PGM2: variants seen among roughly 807,000 people sequenced by gnomAD.
PGM2 encodes phosphopentomutase.
Under a neutral mutation model 74.6 loss-of-function variants are expected in PGM2, and 57 were observed. The ratio of observed to expected loss-of-function variants is 0.76; its 90% CI spans 0.62 to 0.95. The LOEUF is 0.95. PGM2 is among the 40% of genes least tolerant of loss of function. The pLI, the probability that PGM2 is intolerant of heterozygous loss-of-function variation, is 0.00. For synonymous variants in PGM2, 273 were observed against 260.7 expected, an observed-to-expected ratio of 1.05 and a Z score of -0.46; for missense variants, 706 against 741.9, an observed-to-expected ratio of 0.95 and a Z score of 0.56.
chr4:37,861,387 T>C (rs1711766102), intron 13 of PGM2, 123 bp from the exon 14 acceptor site: 1 of 633,144 alleles, frequency 1.6e-6, no homozygotes, highest in Non-Finnish European at 2.8e-6. Context: ...GTTCTCTTTT[T>C]TTTCCTATTT....
rs145973385 is a variant in PGM2, at chr4:37,836,296, C to CT, written c.357-1232dup. Among the ~76,000 whole-genome samples the CT allele has an allele frequency of 2.8e-3, 428 of 152,306 alleles. 5 individuals carry two copies. The highest frequency in any genetic ancestry group is 9.9e-3 in the African/African-American group (410 of 41,558). ...ATGGAGTGGAACTCAAGGCTACTCT[C>CT]TATCACCTGTAACGCGTGAGACATT... is the stretch of plus-strand genomic sequence containing the variant. On this transcript the variant is annotated intron_variant, in intron 3 of 13. Transcript: ENST00000381967.
chr4:37,835,020 A>C (rs1002568587), intron 3 of PGM2, among the ~76,000 whole-genome samples: 1 of 152,128 alleles, frequency 6.6e-6, no homozygotes, highest in African/African-American at 2.4e-5. Flanking sequence ...TTACCCTGCT[A>C]TTCATAAACC....
Position 37,854,671 on chromosome 4 carries a change from T to TAA in PGM2, c.1603-926_1603-925dup, listed in dbSNP as rs35502897. Among the ~76,000 whole-genome samples, 791 of 142,336 alleles carry TAA rather than the reference T, an allele frequency of 5.6e-3. 10 individuals carry two copies. The highest frequency in any genetic ancestry group is 0.019 in the African/African-American group (734 of 39,142). 93.4% of individuals were successfully genotyped at this position (142,336 alleles called of 152,430 possible). ...CCGCGCCCAGCCTGGAAGCTTTATT[T>TAA]AAAAAAAAAAAACAAAAAAAACTCC... On this transcript the variant is annotated intron_variant, in intron 12 of 13. Coordinates refer to ENST00000381967, the MANE Select transcript of PGM2 (RefSeq NM_018290.4).
chr4:37,831,634 A>G lies in PGM2; in HGVS notation c.249+1503A>G, dbSNP rs572763685. Among the ~76,000 whole-genome samples the G allele has an allele frequency of 1.1e-4, 17 of 152,270 alleles. No individual in the cohort carries two copies. The South Asian group carries it at 2.9e-3, about 26-fold the overall frequency. On this transcript the variant is annotated intron_variant, in intron 2 of 13. Coordinates refer to ENST00000381967, the MANE Select transcript of PGM2 (RefSeq NM_018290.4). ...CATGTGGCCTGGACTTCCTTATAAC[A>G]TGGTGGTTGGCTTTCAGTGAAGTAT...
chr4:37,854,356 C>G (rs1443808337), intron 12 of PGM2, among the ~76,000 whole-genome samples: 1 of 148,886 alleles, frequency 6.7e-6, no homozygotes, highest in African/African-American at 2.5e-5. Flanking sequence ...TTCTCTTTTT[C>G]TTTTCTTTTT....
chr4:37,859,641 T>TAGGG (rs1376457973), intron 13 of PGM2, among the ~76,000 whole-genome samples: 1 of 152,154 alleles, frequency 6.6e-6, no homozygotes, highest in Non-Finnish European at 1.5e-5. Context: ...ATCACAACAT[T>TAGGG]AGTGTTTGAA....
chr4:37,853,312 T>C (rs1726103381), intron 12 of PGM2, among the ~76,000 whole-genome samples: 1 of 151,284 alleles, frequency 6.6e-6, no homozygotes, highest in African/African-American at 2.4e-5. Flanking sequence ...TAAGGTTTTT[T>C]AGTTTAGTAG....
rs576005627 is a variant in PGM2, at chr4:37,862,353, T to G, written c.*741T>G. On this transcript the variant is annotated 3_prime_UTR_variant, in exon 14 of 14. Coordinates refer to ENST00000381967, the MANE Select transcript of PGM2 (RefSeq NM_018290.4). ...AGCATATTTTTCTGTTTTTTGGTTGTTTGTTCATTTGTATTAGCACAATTT... is the reference window on the plus strand; with the variant it reads ...AGCATATTTTTCTGTTTTTTGGTTGGTTGTTCATTTGTATTAGCACAATTT... 8.5e-5 allele frequency: 13 copies of G among 152,272 alleles called. No homozygotes were observed. The highest frequency in any genetic ancestry group is 1.6e-4 in the Non-Finnish European group (11 of 68,002). 9.4% of individuals were successfully genotyped at this position (152,272 alleles called of 1,614,324 possible).
intron 9 of PGM2, 25 bp from the exon 10 acceptor site, chr4:37,847,177 T>C (rs1347128530): frequency 6.2e-7 from 1 of 1,605,596 alleles, no homozygotes; most frequent in Admixed American, 1.7e-5. Context: ...AAGGCATGTC[T>C]TTCTCTTTTG....
intron 12 of PGM2, among the ~76,000 whole-genome samples, chr4:37,853,848 C>A (rs1726115481): frequency 6.6e-6 from 1 of 152,164 alleles, no homozygotes; most frequent in Non-Finnish European, 1.5e-5. Flanking sequence ...GATTTAATCT[C>A]CAGAGAATTT....
intron 12 of PGM2, 28 bp downstream of exon 12, chr4:37,850,401 A>T: frequency 8.0e-7 from 1 of 1,246,490 alleles, no homozygotes; most frequent in Non-Finnish European, 1.1e-6. Context: ...TTTTCAACTA[A>T]CCTCTTTTCT....
chr4:37,856,372 G>A (rs916648279), intron 13 of PGM2, among the ~76,000 whole-genome samples: 8 of 152,210 alleles, frequency 5.3e-5, no homozygotes, highest in South Asian at 2.1e-4. Context: ...GCGACAGAGC[G>A]AGACTCCATC....
chr4:37,838,140 G>A (rs1188168191), intron 4 of PGM2, among the ~76,000 whole-genome samples: 2 of 152,110 alleles, frequency 1.3e-5, no homozygotes, highest in African/African-American at 4.8e-5. Flanking sequence ...CTTGGCCTCC[G>A]GAAGTGCTGG....
At position 37,831,976 on chromosome 4, in the gene PGM2, TC is replaced by T. The variant is rs1178822706; in HGVS notation, c.249+1849del. On this transcript the variant is annotated intron_variant, in intron 2 of 13. Transcript: ENST00000381967. ...GATTCTAGATTAACCTAGAGCTTTTTCCCCTGTATTTTTCTATATCTAGTTT... is the reference window on the plus strand; with the variant it reads ...GATTCTAGATTAACCTAGAGCTTTTTCCCTGTATTTTTCTATATCTAGTTT... Among the ~76,000 whole-genome samples, 5 of 152,352 alleles carry T rather than the reference TC, an allele frequency of 3.3e-5. No homozygotes were observed. The East Asian group carries it at 9.6e-4, about 29-fold the overall frequency.
rs1711815710 is a variant in PGM2 at position 37,862,627 on chromosome 4, ACTTT to A, written c.*1020_*1023del. The A allele has an allele frequency of 6.6e-6, 1 of 152,070 alleles. No individual in the cohort carries two copies. Among genetic ancestry groups the A allele is most frequent in the Non-Finnish European group, 1.5e-5 (1 of 68,014 alleles). 9.4% of individuals were successfully genotyped at this position (152,070 alleles called of 1,614,324 possible). A position where few individuals can be genotyped will look rare whatever the true frequency, so the allele number is the denominator to read the frequency against. ...TTGGGCACCCATGAGCTAGGATCAAACTTTCTTTATATACTTTATATATTTTACA... is the reference window on the plus strand; with the variant it reads ...TTGGGCACCCATGAGCTAGGATCAAACTTTATATACTTTATATATTTTACA... On this transcript the variant is annotated 3_prime_UTR_variant, in exon 14 of 14. Transcript: ENST00000381967.
intron 11 of PGM2, among the ~76,000 whole-genome samples, chr4:37,849,244 C>G (rs2152179623): frequency 6.6e-6 from 1 of 152,046 alleles, no homozygotes; most frequent in East Asian, 1.9e-4. Flanking sequence ...CATAATACAT[C>G]TATTCATTTT....
rs367691218 is a variant in PGM2, at chr4:37,828,212, C to CAG, written c.81+1402_81+1403dup. ...TCCATTTCTGATAACTTGTAGCTTG[C>CAG]AGAGTACAGAATTCTTTTGAAGTCA... On this transcript the variant is annotated intron_variant, in intron 1 of 13. Coordinates refer to ENST00000381967, the MANE Select transcript of PGM2 (RefSeq NM_018290.4). Among the ~76,000 whole-genome samples, 1,024 of 152,184 alleles carry CAG rather than the reference C, an allele frequency of 6.7e-3. 21 individuals are homozygous for CAG. Among genetic ancestry groups the CAG allele is most frequent in the African/African-American group, 0.023 (970 of 41,528 alleles).
chr4:37,847,261 G>T lies in PGM2; in HGVS notation c.1248G>T (p.Gly416=), dbSNP rs973902645. The change falls in exon 10 of 14, where the codon GGG becomes GGT. Residue 416 remains glycine, a synonymous_variant. Coordinates refer to ENST00000381967, the MANE Select transcript of PGM2 (RefSeq NM_018290.4). Reference sequence around the variant, plus strand: ...GAGCCAAACAGCTAATAGACCAGGGGAAAACTGTTTTATTTGCATTTGAAG... The same window carrying T: ...GAGCCAAACAGCTAATAGACCAGGGTAAAACTGTTTTATTTGCATTTGAAG... ...GNRAKQLIDQ[G]KTVLFAFEEA... The T allele has an allele frequency of 6.2e-7, 1 of 1,613,636 alleles. No homozygotes were observed.
At chr4:37,850,990 CAA>C (rs34801450) in intron 12 of PGM2, among the ~76,000 whole-genome samples, 2 of 107,346 alleles carry the variant, frequency 1.9e-5, no homozygotes. Context: ...GACTTCATCT[CAA>C]AAAAAAAAAA....
Sources: gnomAD v4.1 joint callset for allele counts (sites outside exome capture counted in the v4.1 genomes callset) on GRCh38, gnomAD v4.1.1 for gene constraint, MANE v1.5 for transcripts, NCBI Gene and HGNC (gene_info 2026-07-23, HGNC 2026-07-21) for gene names.